The following PKN2 variants were observed in gnomAD, a reference collection of about 807,000 sequenced individuals.
PKN2 encodes the protein serine/threonine-protein kinase N2.
A neutral mutation model predicts 119.1 loss-of-function variants in PKN2; 38 were observed. That is an observed-to-expected ratio of 0.32 (90% CI 0.25 to 0.42). The LOEUF is 0.42. PKN2 is among the 10% of genes least tolerant of loss of function. The pLI, the probability that PKN2 is intolerant of heterozygous loss-of-function variation, is 1.00. For synonymous variants in PKN2, 390 were observed against 384.9 expected (o/e 1.01, Z -0.15); for missense variants, 850 against 1,165.1 (o/e 0.73, Z 3.94).
chr1:88,710,369 A>T (rs898730993), intron 1 of PKN2, among the ~76,000 whole-genome samples: 7 of 152,130 alleles, frequency 4.6e-5, no homozygotes, highest in African/African-American at 7.2e-5. Context: ...ATTGAGGAGA[A>T]ATTTTGCATA....
Position 88,744,208 on chromosome 1 carries a change from T to C in PKN2, c.349+2920T>C, listed in dbSNP as rs114517667. 9.8e-4 allele frequency among the ~76,000 whole-genome samples: 149 copies of C among 152,330 alleles called. 1 individual carries two copies. Among genetic ancestry groups the C allele is most frequent in the African/African-American group, 3.5e-3 (147 of 41,568 alleles). On this transcript the variant is annotated intron_variant, in intron 2 of 21. Coordinates refer to ENST00000370521, the MANE Select transcript of PKN2 (RefSeq NM_006256.4). The stretch of plus-strand genomic sequence containing the variant: ...CTAAGGTAATCCCATGAATTTATTT[T>C]AGATTAGGTCTGGCAAGAAGATTTC...
chr1:88,753,653 CGTCTT>C (rs1669088961), intron 2 of PKN2, among the ~76,000 whole-genome samples: 1 of 145,534 alleles, frequency 6.9e-6, no homozygotes, highest in African/African-American at 2.7e-5. Context: ...GAAGCAAACC[CGTCTT>C]ACATGGTTGG....
At chr1:88,785,898 T>C (rs1212036986) in intron 7 of PKN2, among the ~76,000 whole-genome samples, 1 of 152,250 alleles carries the variant, frequency 6.6e-6, no homozygotes, top group Non-Finnish European at 1.5e-5. Flanking sequence ...TCACTATTTG[T>C]GTTTTTGTCA....
At chr1:88,796,508 A>C (rs1030864551) in intron 8 of PKN2, among the ~76,000 whole-genome samples, 1 of 152,196 alleles carries the variant, frequency 6.6e-6, no homozygotes. Context: ...GGCTTTAACT[A>C]TATGAAACTG....
At chr1:88,735,694 A>G (rs557036135) in intron 1 of PKN2, among the ~76,000 whole-genome samples, 2 of 139,752 alleles carry the variant, frequency 1.4e-5, no homozygotes, top group South Asian at 4.4e-4. Context: ...TCTGCTGAGA[A>G]GTCTATTGCT....
intron 1 of PKN2, among the ~76,000 whole-genome samples, chr1:88,736,919 GGT>G (rs1406204875): frequency 6.6e-6 from 1 of 152,144 alleles, no homozygotes; most frequent in African/African-American, 2.4e-5. Flanking sequence ...TGTCTCTCTG[GGT>G]GTGTGAGTTT....
chr1:88,763,460 A>G (rs1669528440), intron 3 of PKN2, among the ~76,000 whole-genome samples: 1 of 152,154 alleles, frequency 6.6e-6, no homozygotes, highest in South Asian at 2.1e-4. Context: ...ATACAAAATT[A>G]GCTGGGCATG....
At position 88,828,471 on chromosome 1, in the gene PKN2, T is replaced by C. The variant is rs941524264; in HGVS notation, c.2420-10T>C. The C allele has an allele frequency of 6.3e-7, 1 of 1,580,814 alleles. No individual in the cohort carries two copies. Among genetic ancestry groups the C allele is most frequent in the African/African-American group, 1.3e-5 (1 of 74,200 alleles). ...TTTGCTAACAAATGTTTACATTTTA[T>C]CTTTTCCAGGAATGGGATATGGAGA... On this transcript the variant is annotated splice_polypyrimidine_tract_variant and intron_variant, in intron 18 of 21. Coordinates refer to ENST00000370521, the MANE Select transcript of PKN2 (RefSeq NM_006256.4).
intron 6 of PKN2, among the ~76,000 whole-genome samples, chr1:88,777,714 A>G (rs999648377): frequency 6.6e-6 from 1 of 152,186 alleles, no homozygotes; most frequent in Non-Finnish European, 1.5e-5. Flanking sequence ...ATGGCATTCT[A>G]AAGTAAACCT....
At chr1:88,766,887 A>T (rs1002142730) in intron 3 of PKN2, among the ~76,000 whole-genome samples, 5 of 152,202 alleles carry the variant, frequency 3.3e-5, no homozygotes, top group African/African-American at 1.2e-4. Context: ...GACATCCTGC[A>T]GATCCTCCAG....
chr1:88,750,257 T>C (rs1570574827), intron 2 of PKN2, among the ~76,000 whole-genome samples: 3 of 152,260 alleles, frequency 2.0e-5, no homozygotes. Flanking sequence ...ACTCAAGAAT[T>C]AAACCATATT....
At chr1:88,823,841 T>C (rs1209505947) in intron 17 of PKN2, among the ~76,000 whole-genome samples, 1 of 150,712 alleles carries the variant, frequency 6.6e-6, no homozygotes, top group Non-Finnish European at 1.5e-5. Flanking sequence ...AAACCGCCTC[T>C]CTAATAAAAA....
intron 15 of PKN2, among the ~76,000 whole-genome samples, chr1:88,808,292 T>G (rs1310578007): frequency 6.6e-6 from 1 of 152,042 alleles, no homozygotes; most frequent in Non-Finnish European, 1.5e-5. Flanking sequence ...ACAATTGTTT[T>G]TTTATTTTTT....
At chr1:88,711,609 ATT>A (rs1316985272) in intron 1 of PKN2, among the ~76,000 whole-genome samples, 1 of 152,194 alleles carries the variant, frequency 6.6e-6, no homozygotes, top group Non-Finnish European at 1.5e-5. Flanking sequence ...AATCATAGTT[ATT>A]TAAGTTCTCA....
intron 2 of PKN2, among the ~76,000 whole-genome samples, chr1:88,752,882 C>T (rs1385711746): frequency 6.6e-6 from 1 of 152,076 alleles, no homozygotes; most frequent in East Asian, 1.9e-4. Context: ...TTACCTGGAT[C>T]ATTTAGCCTA....
chr1:88,708,374 C>T (rs902741251), intron 1 of PKN2, among the ~76,000 whole-genome samples: 2 of 151,980 alleles, frequency 1.3e-5, no homozygotes, highest in African/African-American at 2.4e-5. Context: ...TAAGATATTT[C>T]AAAGTCTTGT....
chr1:88,820,248 A>G (rs1672218744), intron 16 of PKN2, among the ~76,000 whole-genome samples: 1 of 133,080 alleles, frequency 7.5e-6, no homozygotes, highest in Middle Eastern at 3.9e-3. Context: ...AGAAAAAAAT[A>G]AAAATGCGAG....
intron 19 of PKN2, among the ~76,000 whole-genome samples, chr1:88,831,366 T>C (rs574903366): frequency 1.3e-5 from 2 of 151,786 alleles, no homozygotes; most frequent in African/African-American, 4.8e-5. Flanking sequence ...GTCTTTGTAT[T>C]ATCCATTGAA....
rs1665995442 is a variant in PKN2, at chr1:88,684,613, G to T, written c.33G>T (p.Leu11=). The T allele has an allele frequency of 6.4e-7, 1 of 1,564,924 alleles. No individual in the cohort carries two copies. ...CCAACCCCGAACGGGGGGAGATTCTGCTCACGGAACTGCAGGTAAGGGCCG... is the reference window on the plus strand; with the variant it reads ...CCAACCCCGAACGGGGGGAGATTCTTCTCACGGAACTGCAGGTAAGGGCCG... MASNPERGEI[L]LTELQGDSRS... Residue 11 remains leucine (L), a synonymous_variant, in exon 1 of 22, where the codon CTG becomes CTT. Transcript: ENST00000370521.
Sources: allele counts gnomAD v4.1 joint callset (sites outside exome capture counted in the v4.1 genomes callset), GRCh38; gene constraint gnomAD v4.1.1; transcripts MANE v1.5; gene names NCBI Gene and HGNC (gene_info 2026-07-23, HGNC 2026-07-21).